The following LIMCH1 variants were observed in gnomAD, a reference collection of about 807,000 sequenced individuals.
LIMCH1 encodes the protein LIM and calponin homology domains-containing protein 1.
LIMCH1 carries 113 observed loss-of-function variants against 176.5 expected under a neutral mutation model. That is an observed-to-expected ratio of 0.64 (90% CI 0.55 to 0.75). The LOEUF is 0.75. Among genes scored for constraint, LIMCH1 ranks in the 30% least tolerant of loss-of-function variants. The pLI, the probability that LIMCH1 is intolerant of heterozygous loss-of-function variation, is 0.00. For synonymous variants in LIMCH1, 619 were observed against 645.9 expected, an observed-to-expected ratio of 0.96 and a Z score of 0.63; for missense variants, 1,674 against 1,814.9, an observed-to-expected ratio of 0.92 and a Z score of 1.41.
At chr4:41,547,660 A>AAATATATACATATATAATATATGTATGT (rs2079672428) in intron 1 of LIMCH1, among the ~76,000 whole-genome samples, 3 of 145,720 alleles carry the variant, frequency 2.1e-5, no homozygotes, top group African/African-American at 7.6e-5. Flanking sequence ...ATACAGATAT[A>AAATATATACATATATAATATATGTATGT]AATATATACA....
chr4:41,370,946 A>G (rs187047276), intron 1 of LIMCH1, among the ~76,000 whole-genome samples: 3 of 152,308 alleles, frequency 2.0e-5, no homozygotes, highest in African/African-American at 7.2e-5. Context: ...TTGAAGCCAC[A>G]CAGATAATCA....
chr4:41,601,051 G>T (rs2089831737), intron 2 of LIMCH1, among the ~76,000 whole-genome samples: 1 of 150,862 alleles, frequency 6.6e-6, no homozygotes, highest in East Asian at 1.9e-4. Flanking sequence ...CTTCACTTGG[G>T]TACTCTTATT....
chr4:41,572,177 A>C (rs1050902036), intron 1 of LIMCH1, among the ~76,000 whole-genome samples: 2 of 152,226 alleles, frequency 1.3e-5, no homozygotes, highest in Non-Finnish European at 2.9e-5. Context: ...ACACTGCTCC[A>C]TCTGGAAATG....
At position 41,504,489 on chromosome 4, in the gene LIMCH1, C is replaced by T. The variant is rs548892182; in HGVS notation, c.167+9883C>T. Among the ~76,000 whole-genome samples, 7 of 152,342 alleles carry T rather than the reference C, an allele frequency of 4.6e-5. No homozygotes were observed. The South Asian group carries it at 1.4e-3, about 32-fold the overall frequency. On this transcript the variant is annotated intron_variant, in intron 2 of 26. Transcript: ENST00000313860. ...TCCACTCATTGCAGATAATTCACCTCCTCTGCCCTGCTCACTTCAAGCCAG... is the reference window on the plus strand; with the variant it reads ...TCCACTCATTGCAGATAATTCACCTTCTCTGCCCTGCTCACTTCAAGCCAG...
At chr4:41,590,938 T>C (rs2087434334) in intron 1 of LIMCH1, among the ~76,000 whole-genome samples, 2 of 152,198 alleles carry the variant, frequency 1.3e-5, no homozygotes, top group South Asian at 4.1e-4. Flanking sequence ...CTATTAATTA[T>C]GTGGTAAGTT....
At chr4:41,487,227 T>G (rs921768208) in intron 1 of LIMCH1, among the ~76,000 whole-genome samples, 2 of 152,126 alleles carry the variant, frequency 1.3e-5, no homozygotes, top group African/African-American at 4.8e-5. Flanking sequence ...GGCCAAATTT[T>G]CAGTGGCTTG....
chr4:41,599,969 GT>G (rs907535669), intron 2 of LIMCH1, among the ~76,000 whole-genome samples: 1 of 151,590 alleles, frequency 6.6e-6, no homozygotes, highest in African/African-American at 2.4e-5. Flanking sequence ...TTGATTTTTT[GT>G]ACTATTTGAT....
intron 21 of LIMCH1, among the ~76,000 whole-genome samples, chr4:41,669,457 T>C (rs2094940019): frequency 2.0e-5 from 3 of 152,288 alleles, no homozygotes; most frequent in South Asian, 4.1e-4. Flanking sequence ...TCTCAAACCC[T>C]GTGTGCCAGG....
chr4:41,641,657 A>G (rs1027462749), intron 14 of LIMCH1, among the ~76,000 whole-genome samples: 2 of 152,210 alleles, frequency 1.3e-5, no homozygotes, highest in Non-Finnish European at 2.9e-5. Context: ...CCTTATACAT[A>G]TAGACTGGAG....
At chr4:41,633,887 C>T in intron 13 of LIMCH1, 79 bp downstream of exon 13, 1 of 1,414,572 alleles carries the variant, frequency 7.1e-7, no homozygotes, top group Non-Finnish European at 9.5e-7. Flanking sequence ...CATTATGGCA[C>T]CTCAGTGCCG....
intron 5 of LIMCH1, among the ~76,000 whole-genome samples, chr4:41,615,349 G>A (rs539105385): frequency 6.6e-6 from 1 of 152,232 alleles, no homozygotes; most frequent in African/African-American, 2.4e-5. Context: ...GGGATTGGAG[G>A]TGGTGATTAC....
chr4:41,615,556 C>G (rs566083686), intron 5 of LIMCH1, among the ~76,000 whole-genome samples: 2 of 152,276 alleles, frequency 1.3e-5, no homozygotes, highest in East Asian at 1.9e-4. Flanking sequence ...CTCTTGTAAA[C>G]TAATCAAGAC....
intron 1 of LIMCH1, among the ~76,000 whole-genome samples, chr4:41,368,092 C>G (rs1215457446): frequency 6.6e-6 from 1 of 151,774 alleles, no homozygotes; most frequent in African/African-American, 2.4e-5. Context: ...ATATTTTGAA[C>G]AATTATTTTA....
chr4:41,578,957 C>A (rs1196434809), intron 1 of LIMCH1, among the ~76,000 whole-genome samples: 1 of 152,108 alleles, frequency 6.6e-6, no homozygotes, highest in Non-Finnish European at 1.5e-5. Flanking sequence ...CCTGCCTCAG[C>A]CTCCCAAAGC....
chr4:41,437,045 G>C (rs1274401306), intron 1 of LIMCH1, among the ~76,000 whole-genome samples: 1 of 152,144 alleles, frequency 6.6e-6, no homozygotes, highest in African/African-American at 2.4e-5. Flanking sequence ...AGGCTTTCCA[G>C]AAGGCCTACT....
intron 3 of LIMCH1, among the ~76,000 whole-genome samples, chr4:41,530,822 T>TAAAAAAAAAA (rs1345989713): frequency 5.2e-4 from 38 of 73,760 alleles, no homozygotes; most frequent in South Asian, 5.6e-4. Flanking sequence ...AAAAAAAATT[T>TAAAAAAAAAA]TTTTTTTTTT....
Position 41,620,540 on chromosome 4 carries a change from A to G in LIMCH1, c.575A>G (p.Asp192Gly). 1 of 1,536,356 alleles carries G rather than the reference A, an allele frequency of 6.5e-7. No individual in the cohort carries two copies. The highest frequency in any genetic ancestry group is 8.7e-7 in the Non-Finnish European group (1 of 1,146,980). Residue 192 changes from aspartate (D) to glycine (G), a missense_variant, in exon 7 of 32, where the codon GAC becomes GGC. Asp to Gly is a moderately conservative substitution (Grantham distance 94). This residue lies in a region of LIMCH1 where 655 missense variants were observed against 692.2 expected (regional missense o/e 0.95). Coordinates refer to ENST00000503057, the MANE Select transcript of LIMCH1 (RefSeq NM_001330672.2). The part of the protein sequence containing the change: ...KPSDGGCELP[D>G]GSGKEHPSSD... The stretch of plus-strand genomic sequence containing the variant: ...TCCGATGGTGGGTGTGAATTACCTG[A>G]CGGCAGTGGTAAGGAGCACCCTTCT...
At chr4:41,654,104 A>G (rs1200333322) in intron 18 of LIMCH1, among the ~76,000 whole-genome samples, 2 of 152,248 alleles carry the variant, frequency 1.3e-5, no homozygotes, top group Admixed American at 6.5e-5. Flanking sequence ...AGAAAAGTAT[A>G]TAGAACAACG....
intron 2 of LIMCH1, among the ~76,000 whole-genome samples, chr4:41,521,418 G>A (rs1454241194): frequency 6.6e-6 from 1 of 152,042 alleles, no homozygotes; most frequent in Non-Finnish European, 1.5e-5. Context: ...CATATCATCA[G>A]CATAATCACT....
Sources: allele counts gnomAD v4.1 joint callset (sites outside exome capture counted in the v4.1 genomes callset), GRCh38; gene constraint gnomAD v4.1.1; regional missense constraint gnomAD v4.1.1; transcripts MANE v1.5; gene names NCBI Gene and HGNC (gene_info 2026-07-23, HGNC 2026-07-21).